The following TAB3 variants were observed in gnomAD, a reference collection of about 807,000 sequenced individuals.
The protein encoded by TAB3 is TGF-beta activated kinase 1 (MAP3K7) binding protein 3, also known as TGF-beta-activated kinase 1 and MAP3K7-binding protein 3.
In TAB3, 18 loss-of-function variants were observed where a neutral mutation model predicts 48.1. The ratio of observed to expected loss-of-function variants is 0.37; its 90% CI spans 0.26 to 0.55. The LOEUF is 0.55. Among genes scored for constraint, TAB3 ranks in the 20% least tolerant of loss-of-function variants. The pLI, the probability that TAB3 is intolerant of heterozygous loss-of-function variation, is 0.78. For synonymous variants in TAB3, 185 were observed against 190.2 expected (o/e 0.97, Z 0.22); for missense variants, 414 against 549.8 (o/e 0.75, Z 2.47).
At chrX:30,860,101 A>G (rs1939208969) in intron 4 of TAB3, among the ~76,000 whole-genome samples, 1 of 111,681 alleles carries the variant, frequency 9.0e-6, no homozygotes, top group East Asian at 2.8e-4. Context: ...ATAATAAAAG[A>G]CAGTAATGAG....
At chrX:30,863,738 C>A (rs751448978) in intron 4 of TAB3, among the ~76,000 whole-genome samples, 1 of 112,199 alleles carries the variant, frequency 8.9e-6, no homozygotes, top group Non-Finnish European at 1.9e-5. Flanking sequence ...GCCAATTAAA[C>A]CTCTTTTCTT....
At chrX:30,863,843 GTAT>G (rs1442787732) in intron 4 of TAB3, among the ~76,000 whole-genome samples, 1 of 112,003 alleles carries the variant, frequency 8.9e-6, no homozygotes, top group Non-Finnish European at 1.9e-5. Flanking sequence ...TTACAGTAAA[GTAT>G]TATGCTGTAC....
intron 1 of TAB3, among the ~76,000 whole-genome samples, chrX:30,877,548 T>C (rs1201391031): frequency 4.5e-5 from 5 of 112,347 alleles, no homozygotes; most frequent in Non-Finnish European, 7.5e-5. Flanking sequence ...TTGCTTCAAC[T>C]AGGAGGAAGG....
In TAB3 at chrX:30,846,561, A is replaced by G. The variant is rs1019572455; in HGVS notation, c.1794T>C (p.Leu598=). 4.2e-6 allele frequency: 5 copies of G among 1,192,580 alleles called. No individual in the cohort carries two copies. The highest frequency in any genetic ancestry group is 5.7e-6 in the Non-Finnish European group (5 of 880,649). The change falls in exon 8 of 11, where the codon CTT becomes CTC. Residue 598 remains leucine (L), a synonymous_variant. Transcript: ENST00000288422. ...TAATCAAGTCTATACCTCTAGATTG[A>G]AGGAGGTCAACTTCTTTCAGTGTAC... ...VDCTLKEVDL[L]QSRGNFDPKA...
chrX:30,865,504 ATAT>A (rs1419428252), intron 4 of TAB3, among the ~76,000 whole-genome samples: 4 of 112,280 alleles, frequency 3.6e-5, no homozygotes, highest in African/African-American at 1.3e-4. Context: ...ATTTTAGATC[ATAT>A]TTACTGAGCC....
rs1179374359 is a variant in TAB3 at position 30,889,155 on chromosome X, C to G, written c.-424G>C. 1 of 113,910 alleles carries G rather than the reference C, an allele frequency of 8.8e-6. No homozygotes were observed. Among genetic ancestry groups the G allele is most frequent in the African/African-American group, 3.2e-5 (1 of 30,885 alleles). The allele number at this position is 113,910 out of a possible 1,213,427, so 9.4% of individuals were successfully genotyped here. ...TCTGGCCGCCGCCGCCGCCGCCTCG[C>G]CCTCACGCCCGTCGCCTACTCCCGC... On this transcript the variant is annotated 5_prime_UTR_variant, in exon 1 of 11. Transcript: ENST00000288422.
chrX:30,845,863 G>C (rs751445710), intron 8 of TAB3: 89 of 595,865 alleles, frequency 1.5e-4, no homozygotes, highest in Non-Finnish European at 1.8e-4. Context: ...GGCATAAACA[G>C]GTTTGGGGAC....
At position 30,834,172 on chromosome X, in the gene TAB3, G is replaced by A. The variant is rs151218748; in HGVS notation, c.1889-20C>T. ...AGGAGTCTGCATAAAAATAAACAACGCCAGAAAGAAGTGATCCAGTCTTTC... is the reference window on the plus strand; with the variant it reads ...AGGAGTCTGCATAAAAATAAACAACACCAGAAAGAAGTGATCCAGTCTTTC... On this transcript the variant is annotated intron_variant, in intron 9 of 10. Transcript: ENST00000288422. 521 of 1,179,437 alleles carry A rather than the reference G, an allele frequency of 4.4e-4. 1 individual carries two copies. The African/African-American group carries it at 8.1e-3, about 18-fold the overall frequency.
At chrX:30,870,297 A>G (rs1939627193) in intron 2 of TAB3, among the ~76,000 whole-genome samples, 2 of 112,682 alleles carry the variant, frequency 1.8e-5, no homozygotes, top group Admixed American at 9.4e-5. Flanking sequence ...AGTCTCATTA[A>G]CCCTGAAATC....
chrX:30,882,683 C>T (rs1319792981), intron 1 of TAB3, among the ~76,000 whole-genome samples: 1 of 111,730 alleles, frequency 9.0e-6, no homozygotes, highest in African/African-American at 3.3e-5. Flanking sequence ...AACTGGAGGG[C>T]TCCATGATAT....
rs1049578153 is a variant in TAB3 at position 30,831,162 on chromosome X, G to C, written c.*265C>G. On this transcript the variant is annotated 3_prime_UTR_variant, in exon 11 of 11. Transcript: ENST00000288422. ...CCACAGAAGAGCTCTTGACTTCTGT[G>C]TGTACATTCTTTCACAGAGTGAATC... 3.6e-6 allele frequency: 1 copy of C among 280,769 alleles called. No individual in the cohort carries two copies. Among genetic ancestry groups the C allele is most frequent in the Non-Finnish European group, 6.2e-6 (1 of 161,133 alleles). 23.1% of individuals were successfully genotyped at this position (280,769 alleles called of 1,213,427 possible). A position where few individuals can be genotyped will look rare whatever the true frequency, so the allele number is the denominator to read the frequency against.
At chrX:30,838,942 A>G (rs895184543) in intron 9 of TAB3, among the ~76,000 whole-genome samples, 1 of 110,396 alleles carries the variant, frequency 9.1e-6, no homozygotes, top group Non-Finnish European at 1.9e-5. Flanking sequence ...TAATTATGTC[A>G]TCTGTAGTAT....
At chrX:30,873,985 G>A (rs1033607986) in intron 1 of TAB3, among the ~76,000 whole-genome samples, 9 of 110,629 alleles carry the variant, frequency 8.1e-5, no homozygotes, top group Non-Finnish European at 1.7e-4. Context: ...ACTGGCCTGG[G>A]CAACATGAGG....
At chrX:30,840,330 A>G (rs1938396092) in intron 9 of TAB3, among the ~76,000 whole-genome samples, 1 of 111,609 alleles carries the variant, frequency 9.0e-6, no homozygotes, top group African/African-American at 3.3e-5. Context: ...CCTGTCTTAC[A>G]TGAGCATTTA....
intron 5 of TAB3, among the ~76,000 whole-genome samples, chrX:30,857,164 T>C (rs1010999902): frequency 9.8e-5 from 11 of 112,130 alleles, no homozygotes; most frequent in African/African-American, 3.6e-4. Context: ...ACCCAGATGA[T>C]AGTGACAAAT....
rs56260124 is a variant in TAB3 at position 30,839,914 on chromosome X, T to TTATATATATATATATATA, written c.1888+3034_1888+3051dup. On this transcript the variant is annotated intron_variant, in intron 9 of 10. Coordinates refer to ENST00000288422, the MANE Select transcript of TAB3 (RefSeq NM_152787.5). Reference sequence around the variant, plus strand: ...TTCAGTTTCTTTATACATATATATATTATATATATATATATATATATATAT... The same window carrying TTATATATATATATATATA: ...TTCAGTTTCTTTATACATATATATATTATATATATATATATATATATATATATATATATATATATATAT... 3.6e-5 allele frequency among the ~76,000 whole-genome samples: 3 copies of TTATATATATATATATATA among 82,218 alleles called. No homozygotes were observed. In the East Asian group the frequency reaches 1.1e-3, roughly 31 times the overall value. 71.4% of individuals were successfully genotyped at this position (82,218 alleles called of 115,157 possible). A position where few individuals can be genotyped will look rare whatever the true frequency, so the allele number is the denominator to read the frequency against.
In TAB3 at chrX:30,854,472, G is replaced by A. The variant is rs1455370857; in HGVS notation, c.1193C>T (p.Ser398Leu). The stretch of plus-strand genomic sequence containing the variant: ...AGGTGGCGTGGTGGCTGTGTACAGT[G>A]AGTGTTGATTCCGTGGAGATGGTTG... ...SNQPSPRNQH[S>L]LYTATTPPSS... Residue 398 changes from serine to leucine, a missense_variant, in exon 6 of 11, where the codon TCA (serine) becomes TTA (leucine). Coordinates refer to ENST00000288422, the MANE Select transcript of TAB3 (RefSeq NM_152787.5). The A allele has an allele frequency of 3.3e-6, 4 of 1,209,694 alleles. No homozygotes were observed. Among genetic ancestry groups the A allele is most frequent in the Admixed American group, 2.2e-5 (1 of 45,762 alleles).
At chrX:30,864,804 T>TG (rs57124332) in intron 4 of TAB3, among the ~76,000 whole-genome samples, 23,277 of 88,257 alleles carry the variant, frequency 0.26, 2,107 homozygotes, top group Admixed American at 0.38. Flanking sequence ...TGTGTGTGTG[T>TG]TTTTTTTTTA....
At position 30,835,602 on chromosome X, in the gene TAB3, T is replaced by G. The variant is rs1192938843; in HGVS notation, c.1889-1450A>C. 4 of 111,501 alleles carry G rather than the reference T, an allele frequency of 3.6e-5. No homozygotes were observed. The East Asian group carries it at 1.1e-3, about 31-fold the overall frequency. The allele number at this position is 111,501 out of a possible 1,213,427, so 9.2% of individuals were successfully genotyped here. Reference sequence around the variant, plus strand: ...GGTTGGGGAAGCTGTCTAAGCCCACTGAAGAGCACACATACACACTGTATT... The same window carrying G: ...GGTTGGGGAAGCTGTCTAAGCCCACGGAAGAGCACACATACACACTGTATT... On this transcript the variant is annotated intron_variant, in intron 9 of 10. Coordinates refer to ENST00000288422, the MANE Select transcript of TAB3 (RefSeq NM_152787.5).
Sources: allele counts gnomAD v4.1 joint callset (sites outside exome capture counted in the v4.1 genomes callset), GRCh38; gene constraint gnomAD v4.1.1; transcripts MANE v1.5; gene names NCBI Gene and HGNC (gene_info 2026-07-23, HGNC 2026-07-21).